The following ZNF362 variants were observed in gnomAD, a reference collection of about 807,000 sequenced individuals.
ZNF362 encodes rotund homolog.
Under a neutral mutation model 42.9 loss-of-function variants are expected in ZNF362, and 11 were observed. That is an observed-to-expected ratio of 0.26 (90% CI 0.16 to 0.42). ZNF362 has a LOEUF of 0.42. Among genes scored for constraint, ZNF362 ranks in the 20% least tolerant of loss-of-function variants. The pLI is 1.00. For synonymous variants in ZNF362, 255 were observed against 257.3 expected, an observed-to-expected ratio of 0.99 and a Z score of 0.09; for missense variants, 362 against 576.2, an observed-to-expected ratio of 0.63 and a Z score of 3.81.
the ZNF362 span, among the ~76,000 whole-genome samples, chr1:33,171,679 C>T: frequency 1.3e-5 from 2 of 152,240 alleles, no homozygotes; most frequent in Non-Finnish European, 2.9e-5. Flanking sequence ...ACAGGATAAA[C>T]ATGGAGGGCC....
At chr1:33,230,322 G>C in the ZNF362 span, among the ~76,000 whole-genome samples, 1 of 152,100 alleles carries the variant, frequency 6.6e-6, no homozygotes, top group African/African-American at 2.4e-5. Context: ...TGCTGTACAG[G>C]AACCATTCCA....
the ZNF362 span, among the ~76,000 whole-genome samples, chr1:33,133,643 G>A: frequency 6.6e-6 from 1 of 152,218 alleles, no homozygotes; most frequent in African/African-American, 2.4e-5. Flanking sequence ...ACTGCAGCTT[G>A]TAAGCCACCC....
chr1:33,130,491 C>T, the ZNF362 span, among the ~76,000 whole-genome samples: 1 of 152,178 alleles, frequency 6.6e-6, no homozygotes, highest in Admixed American at 6.5e-5. Context: ...GAACAGATGA[C>T]TAATCAACGG....
At chr1:33,181,356 C>A in the ZNF362 span, 1 of 1,593,290 alleles carries the variant, frequency 6.3e-7, no homozygotes, top group Non-Finnish European at 8.5e-7. The surrounding 1 kb of genome is among the most constrained non-coding windows in gnomAD (Gnocchi z 6.5). Flanking sequence ...GTAATGCTCG[C>A]AGCCCAGGCT....
intron 4 of ZNF362, among the ~76,000 whole-genome samples, chr1:33,279,646 C>CTTTTTTTTTTTTTT (rs567406398): frequency 6.8e-6 from 1 of 147,344 alleles, no homozygotes. Flanking sequence ...AGTTAAGCCT[C>CTTTTTTTTTTTTTT]TTTTTTTTTT....
chr1:33,163,686 C>G, the ZNF362 span: 1 of 152,360 alleles, frequency 6.6e-6, no homozygotes, highest in Non-Finnish European at 1.5e-5. Context: ...TGCATCACCC[C>G]GCCAGGGCGC....
the ZNF362 span, among the ~76,000 whole-genome samples, chr1:33,127,678 A>G: frequency 6.6e-6 from 1 of 152,274 alleles, no homozygotes; most frequent in African/African-American, 2.4e-5. Flanking sequence ...GAAAGGCTGT[A>G]CGAACCTAAG....
chr1:33,158,428 G>A, the ZNF362 span: 7 of 1,459,504 alleles, frequency 4.8e-6, no homozygotes, highest in Non-Finnish European at 6.7e-6. Flanking sequence ...CCAATGCCAG[G>A]GGCCCCGCAG....
At chr1:33,234,313 G>T in the ZNF362 span, among the ~76,000 whole-genome samples, 1 of 151,888 alleles carries the variant, frequency 6.6e-6, no homozygotes, top group Non-Finnish European at 1.5e-5. Context: ...TGTTATATTC[G>T]CATGGCACAG....
chr1:33,213,355 C>T, the ZNF362 span, among the ~76,000 whole-genome samples: 1 of 152,050 alleles, frequency 6.6e-6, no homozygotes, highest in Non-Finnish European at 1.5e-5. Flanking sequence ...TACATAACAA[C>T]CTCTCAAAAT....
At chr1:33,204,085 T>C in the ZNF362 span, among the ~76,000 whole-genome samples, 1 of 152,190 alleles carries the variant, frequency 6.6e-6, no homozygotes, top group East Asian at 1.9e-4. Flanking sequence ...GTGTTTTCTT[T>C]TAGAAATTTT....
the ZNF362 span, among the ~76,000 whole-genome samples, chr1:33,224,131 A>T: frequency 1.3e-5 from 2 of 152,182 alleles, no homozygotes; most frequent in African/African-American, 4.8e-5. Flanking sequence ...AAACATCAAG[A>T]GAAAAAAAAT....
chr1:33,255,706 G>A (rs936062623), upstream of ZNF362, among the ~76,000 whole-genome samples: 8 of 152,204 alleles, frequency 5.3e-5, no homozygotes, highest in African/African-American at 1.9e-4. Context: ...CGGGGATCCG[G>A]CCTAGGGCTA....
intron 6 of ZNF362, among the ~76,000 whole-genome samples, chr1:33,290,532 A>C (rs528339117): frequency 3.3e-5 from 5 of 152,140 alleles, no homozygotes; most frequent in African/African-American, 9.7e-5. Flanking sequence ...ATACGTGTGC[A>C]TGTGTCTTTA....
chr1:33,217,469 T>C, the ZNF362 span, among the ~76,000 whole-genome samples: 3 of 152,158 alleles, frequency 2.0e-5, no homozygotes, highest in Admixed American at 6.5e-5. Flanking sequence ...TTACACTGGG[T>C]CAGATGCAGC....
chr1:33,244,142 T>C, the ZNF362 span, among the ~76,000 whole-genome samples: 5 of 151,848 alleles, frequency 3.3e-5, no homozygotes, highest in Non-Finnish European at 7.4e-5. This position sits in a 1 kb window ranked among gnomAD's most constrained non-coding sequence, Gnocchi z 4.0. Context: ...AGCTTTGTTT[T>C]TGGTTTTTGC....
chr1:33,223,680 G>A, the ZNF362 span, among the ~76,000 whole-genome samples: 1 of 152,116 alleles, frequency 6.6e-6, no homozygotes, highest in African/African-American at 2.4e-5. Context: ...ATCACCTGCG[G>A]TCAGGAGTTC....
chr1:33,175,556 C>A, the ZNF362 span, among the ~76,000 whole-genome samples: 7 of 152,296 alleles, frequency 4.6e-5, no homozygotes, highest in South Asian at 2.1e-4. Context: ...CAGATGGTTT[C>A]TCAGGTTCCT....
chr1:33,220,197 G>A, the ZNF362 span, among the ~76,000 whole-genome samples: 88 of 152,256 alleles, frequency 5.8e-4, no homozygotes, highest in African/African-American at 2.0e-3. Context: ...CTGCAGTGGG[G>A]GGTTTGGGGG....
Sources: allele counts gnomAD v4.1 joint callset (sites outside exome capture counted in the v4.1 genomes callset), GRCh38; gene constraint gnomAD v4.1.1; non-coding constraint Gnocchi (gnomAD v3.1); transcripts MANE v1.5; gene names NCBI Gene and HGNC (gene_info 2026-07-23, HGNC 2026-07-21).